OSBPL9: variants seen among roughly 807,000 people sequenced by gnomAD.
The protein encoded by OSBPL9 is oxysterol binding protein like 9.
In OSBPL9, 40 loss-of-function variants were observed where a neutral mutation model predicts 106.6. The ratio of observed to expected loss-of-function variants is 0.38; its 90% CI spans 0.29 to 0.49. OSBPL9 has a LOEUF of 0.49. OSBPL9 is among the 20% of genes least tolerant of loss of function. The pLI is 0.97. For missense variants in OSBPL9, 609 were observed against 887.2 expected (o/e 0.69, Z 3.98); for synonymous variants, 269 against 295.4 (o/e 0.91, Z 0.92).
chr1:51,629,554 T>G (rs1644979809), intron 1 of OSBPL9, among the ~76,000 whole-genome samples: 1 of 152,152 alleles, frequency 6.6e-6, no homozygotes, highest in Non-Finnish European at 1.5e-5. Context: ...CTGTACAGTG[T>G]GAAACTGTAT....
At chr1:51,537,229 T>C in the OSBPL9 span, among the ~76,000 whole-genome samples, 1 of 152,218 alleles carries the variant, frequency 6.6e-6, no homozygotes, top group African/African-American at 2.4e-5. Flanking sequence ...TATTATTTTT[T>C]AAATGTTCAA....
chr1:51,744,140 A>C (rs1047256238), intron 4 of OSBPL9, among the ~76,000 whole-genome samples: 1 of 152,168 alleles, frequency 6.6e-6, no homozygotes, highest in African/African-American at 2.4e-5. Context: ...CATGGTCTTA[A>C]TAGGACTTAG....
intron 1 of OSBPL9, among the ~76,000 whole-genome samples, chr1:51,644,859 T>C (rs959200749): frequency 6.6e-6 from 1 of 152,178 alleles, no homozygotes; most frequent in African/African-American, 2.4e-5. Flanking sequence ...TTCAAGCTAC[T>C]TAAGTTAAAA....
intron 1 of OSBPL9, among the ~76,000 whole-genome samples, chr1:51,642,871 C>T (rs960687535): frequency 3.3e-5 from 5 of 152,122 alleles, no homozygotes; most frequent in Non-Finnish European, 5.9e-5. Flanking sequence ...TTATGGCATG[C>T]AGAAATGTTG....
intron 3 of OSBPL9, among the ~76,000 whole-genome samples, chr1:51,687,455 G>T (rs1557690306): frequency 6.6e-6 from 1 of 152,212 alleles, no homozygotes; most frequent in Non-Finnish European, 1.5e-5. Context: ...GAGACCTATG[G>T]AAATGTTGAA....
rs141344739 is a variant in OSBPL9 at position 51,598,140 on chromosome 1, T to G, written c.-406T>G. ...ATTTTACAGAAGAAGGAACTGAGTC[T>G]CTAAGATGGAGGATATACAACTGAC... On this transcript the variant is annotated 5_prime_UTR_variant, in exon 2 of 26. Coordinates refer to the OSBPL9 transcript ENST00000371714. 23 of 152,356 alleles carry G rather than the reference T, an allele frequency of 1.5e-4. No individual in the cohort carries two copies. In the East Asian group the frequency reaches 4.2e-3, roughly 28 times the overall value. The allele number at this position is 152,356 out of a possible 1,614,324, so 9.4% of individuals were successfully genotyped here.
At chr1:51,697,707 C>T (rs1656361453) in intron 3 of OSBPL9, among the ~76,000 whole-genome samples, 2 of 151,040 alleles carry the variant, frequency 1.3e-5, no homozygotes, top group South Asian at 4.2e-4. Flanking sequence ...TGAATAACTT[C>T]ATATTCTTAT....
chr1:51,645,527 A>T (rs189749278), intron 1 of OSBPL9, among the ~76,000 whole-genome samples: 1 of 151,630 alleles, frequency 6.6e-6, no homozygotes. Context: ...TGCCCAGGCT[A>T]TGGTGCAGTG....
chr1:51,751,508 G>T (rs138096344), intron 8 of OSBPL9, among the ~76,000 whole-genome samples: 25 of 152,124 alleles, frequency 1.6e-4, no homozygotes, highest in African/African-American at 5.5e-4. Context: ...CAGAAGGAAA[G>T]ATAGGATTGG....
At chr1:51,722,427 T>C (rs1662332998) in intron 4 of OSBPL9, among the ~76,000 whole-genome samples, 1 of 152,230 alleles carries the variant, frequency 6.6e-6, no homozygotes, top group Admixed American at 6.5e-5. Context: ...AGCAAAAATA[T>C]GGCCTCCTGT....
the OSBPL9 span, among the ~76,000 whole-genome samples, chr1:51,526,800 A>G: frequency 6.6e-6 from 1 of 151,872 alleles, no homozygotes; most frequent in African/African-American, 2.4e-5. Flanking sequence ...GCTGGAGTGC[A>G]GTGGCGCAAT....
intron 17 of OSBPL9, 130 bp from the exon 18 acceptor site, chr1:51,783,785 C>T (rs1676957882): frequency 6.0e-6 from 4 of 668,854 alleles, no homozygotes; most frequent in Non-Finnish European, 1.0e-5. Context: ...GTAGGTACCT[C>T]CTGGCGTAAT....
intron 1 of OSBPL9, among the ~76,000 whole-genome samples, chr1:51,629,558 A>G (rs911774390): frequency 6.6e-6 from 1 of 152,142 alleles, no homozygotes; most frequent in African/African-American, 2.4e-5. Flanking sequence ...ACAGTGTGAA[A>G]CTGTATGGGC....
chr1:51,786,447 GT>G, intron 21 of OSBPL9, 78 bp from the exon 22 acceptor site: 1 of 918,654 alleles, frequency 1.1e-6, no homozygotes, highest in Non-Finnish European at 1.7e-6. Context: ...AATTTGAAGT[GT>G]CAAAAGCACT....
intron 1 of OSBPL9, among the ~76,000 whole-genome samples, chr1:51,635,971 ATTTG>A (rs886416766): frequency 4.0e-5 from 6 of 151,866 alleles, no homozygotes; most frequent in Non-Finnish European, 7.4e-5. Flanking sequence ...TAGTGTAAAT[ATTTG>A]TTTGTTGTAC....
the OSBPL9 span, among the ~76,000 whole-genome samples, chr1:51,529,523 T>C: frequency 2.6e-5 from 4 of 151,958 alleles, no homozygotes; most frequent in Admixed American, 2.6e-4. Flanking sequence ...GATTACAGGC[T>C]CCTGATTTTA....
intron 12 of OSBPL9, 44 bp from the exon 13 acceptor site, chr1:51,772,024 TAA>T: frequency 6.9e-7 from 1 of 1,441,722 alleles, no homozygotes; most frequent in Non-Finnish European, 9.7e-7. Flanking sequence ...ACTATGATTC[TAA>T]ATTGCTTTCT....
intron 2 of OSBPL9, among the ~76,000 whole-genome samples, chr1:51,668,553 T>G (rs558145426): frequency 1.3e-5 from 2 of 152,162 alleles, no homozygotes; most frequent in East Asian, 3.9e-4. Flanking sequence ...ACCTGGGAGG[T>G]GGAGGTTGCA....
At chr1:51,593,320 T>TA (rs1428343240) in intron 1 of OSBPL9, among the ~76,000 whole-genome samples, 1 of 152,180 alleles carries the variant, frequency 6.6e-6, no homozygotes, top group Non-Finnish European at 1.5e-5. Flanking sequence ...CAGGTCCACT[T>TA]ACTTTCTGAA....
Sources: allele counts gnomAD v4.1 joint callset (sites outside exome capture counted in the v4.1 genomes callset), GRCh38; gene constraint gnomAD v4.1.1; transcripts MANE v1.5; gene names NCBI Gene and HGNC (gene_info 2026-07-23, HGNC 2026-07-21).